The following WNK1 variants were observed in gnomAD, a reference collection of about 807,000 sequenced individuals.
WNK1 encodes WNK lysine deficient protein kinase 1.
In WNK1, 38 loss-of-function variants were observed where a neutral mutation model predicts 222.8. The ratio of observed to expected loss-of-function variants is 0.17; its 90% CI spans 0.13 to 0.22. WNK1 has a LOEUF of 0.22. WNK1 is among the 10% of genes least tolerant of loss of function. The pLI, the probability that WNK1 is intolerant of heterozygous loss-of-function variation, is 1.00. For missense variants in WNK1, 2,348 were observed against 2,918.4 expected (o/e 0.80, Z 4.50); for synonymous variants, 1,090 against 1,092.9 (o/e 1.00, Z 0.05).
At chr12:900,200 G>A (rs1442943151) in intron 25 of WNK1, among the ~76,000 whole-genome samples, 1 of 151,902 alleles carries the variant, frequency 6.6e-6, no homozygotes, top group Non-Finnish European at 1.5e-5. Flanking sequence ...TGGCCAGGCT[G>A]GTCTCGAACT....
At chr12:899,300 T>TTTTTTG (rs1555159999) in intron 25 of WNK1, among the ~76,000 whole-genome samples, 1 of 151,394 alleles carries the variant, frequency 6.6e-6, no homozygotes, top group African/African-American at 2.4e-5. Context: ...CAATCAGATC[T>TTTTTTG]TTTTTGTTTT....
chr12:875,715 T>A (rs953037235), intron 9 of WNK1, among the ~76,000 whole-genome samples: 5 of 152,224 alleles, frequency 3.3e-5, no homozygotes, highest in South Asian at 2.1e-4. Context: ...TTAGATGGAA[T>A]GTGTTATGTT....
In WNK1 at chr12:867,660, A is replaced by G. The variant is rs2154071163; in HGVS notation, c.2140-3605A>G. 3 of 587,768 alleles carry G rather than the reference A, an allele frequency of 5.1e-6. No homozygotes were observed. In the East Asian group the frequency reaches 8.8e-5, roughly 17 times the overall value. 36.4% of individuals were successfully genotyped at this position (587,768 alleles called of 1,614,324 possible). A position where few individuals can be genotyped will look rare whatever the true frequency, so the allele number is the denominator to read the frequency against. ...AAAGCAGCTCTTATCTAAAGCAAAGAGCCCACAGATTGATTTCATTGGCCC... is the reference window on the plus strand; with the variant it reads ...AAAGCAGCTCTTATCTAAAGCAAAGGGCCCACAGATTGATTTCATTGGCCC... On this transcript the variant is annotated intron_variant, in intron 8 of 27. Coordinates refer to ENST00000315939, the MANE Select transcript of WNK1 (RefSeq NM_018979.4).
chr12:752,817 G>C lies in WNK1; in HGVS notation c.-749G>C, dbSNP rs905315687. ...CTCCCCGCCGTTCCCTCCTCCGTCAGCCCCCGGCACCGGCCCGGGAGGAGA... is the reference window on the plus strand; with the variant it reads ...CTCCCCGCCGTTCCCTCCTCCGTCACCCCCCGGCACCGGCCCGGGAGGAGA... On this transcript the variant is annotated 5_prime_UTR_variant, in exon 1 of 28. Coordinates refer to ENST00000315939, the MANE Select transcript of WNK1 (RefSeq NM_018979.4). The C allele has an allele frequency of 2.0e-5, 3 of 152,174 alleles. No homozygotes were observed. The highest frequency in any genetic ancestry group is 4.8e-5 in the African/African-American group (2 of 41,412). The allele number at this position is 152,174 out of a possible 1,614,324, so 9.4% of individuals were successfully genotyped here.
chr12:832,467 T>G (rs1292443266), intron 4 of WNK1, among the ~76,000 whole-genome samples: 1 of 152,240 alleles, frequency 6.6e-6, no homozygotes, highest in African/African-American at 2.4e-5. Flanking sequence ...CAAAGATTAA[T>G]TATAATTATT....
chr12:833,248 A>G (rs1316774711), intron 4 of WNK1, among the ~76,000 whole-genome samples: 1 of 152,200 alleles, frequency 6.6e-6, no homozygotes. Context: ...CACACCTTGC[A>G]TTATATTCCA....
Position 884,931 on chromosome 12 carries a change from C to T in WNK1, c.4127C>T (p.Thr1376Ile). 1.2e-6 allele frequency: 2 copies of T among 1,614,180 alleles called. No individual in the cohort carries two copies. Among genetic ancestry groups the T allele is most frequent in the African/African-American group, 1.3e-5 (1 of 75,050 alleles). ...ACATCAGTAATTCAGTCTGAGGTTA[C>T]AGTGCCCACTGAAGAGGGGATTGCT... is the stretch of plus-strand genomic sequence containing the variant. ...ISTSVIQSEVTVPTEEGIAGV... is the reference protein window; with the variant it reads ...ISTSVIQSEVIVPTEEGIAGV... Residue 1376 changes from threonine to isoleucine, a missense_variant, in exon 19 of 28, where the codon ACA (threonine) becomes ATA (isoleucine). Physicochemically the swap from Thr to Ile is moderately conservative, Grantham distance 89. Coordinates refer to ENST00000315939, the MANE Select transcript of WNK1 (RefSeq NM_018979.4). The surrounding 1 kb of genome is among the most constrained non-coding windows in gnomAD (Gnocchi z 5.6).
At chr12:860,891 C>A in intron 6 of WNK1, 122 bp from the exon 7 acceptor site, 1 of 919,588 alleles carries the variant, frequency 1.1e-6, no homozygotes, top group Admixed American at 2.2e-5. Flanking sequence ...TGAGAGAATT[C>A]TTTCTTCCTC....
intron 1 of WNK1, among the ~76,000 whole-genome samples, chr12:802,334 A>C (rs573913952): frequency 6.6e-6 from 1 of 152,328 alleles, no homozygotes; most frequent in East Asian, 1.9e-4. Flanking sequence ...TAATGACAGA[A>C]ACTTGAGAAA....
intron 1 of WNK1, among the ~76,000 whole-genome samples, chr12:791,902 C>T (rs890550093): frequency 6.6e-6 from 1 of 152,124 alleles, no homozygotes; most frequent in African/African-American, 2.4e-5. Context: ...GTCACTGCCT[C>T]CACTTCCCAG....
At chr12:758,714 A>G (rs1181455905) in intron 1 of WNK1, among the ~76,000 whole-genome samples, 1 of 146,826 alleles carries the variant, frequency 6.8e-6, no homozygotes, top group Admixed American at 6.8e-5. Flanking sequence ...ATTTTTTAGG[A>G]TGAGAATCAG....
At chr12:859,633 T>TGTGTGTGTGTGTGTGG (rs372754842) in intron 6 of WNK1, among the ~76,000 whole-genome samples, 169 bp downstream of exon 6, 26 of 62,666 alleles carry the variant, frequency 4.1e-4, no homozygotes, top group East Asian at 1.1e-3. Context: ...TGTGTGTGTG[T>TGTGTGTGTGTGTGTGG]TTTTTTTTTT....
At chr12:889,304 A>G (rs946301523) in intron 21 of WNK1, 81 bp downstream of exon 21, 2 of 1,175,224 alleles carry the variant, frequency 1.7e-6, no homozygotes, top group African/African-American at 1.5e-5. Flanking sequence ...AACCTAAACC[A>G]TTATTAATAC....
At chr12:903,814 G>A (rs549669752) in intron 26 of WNK1, among the ~76,000 whole-genome samples, 2 of 152,304 alleles carry the variant, frequency 1.3e-5, no homozygotes, top group East Asian at 3.9e-4. Flanking sequence ...AGCTTGAGAT[G>A]TATTATTCTA....
rs565710838 is a variant in WNK1 at position 897,886 on chromosome 12, G to T, written c.6448+205G>T. ...AGAAGTAGACTTAGTGAATACAATG[G>T]CTTATTCCATTGTAATCCATATTGC... On this transcript the variant is annotated intron_variant, in intron 25 of 27. Transcript: ENST00000315939. Among the ~76,000 whole-genome samples, 9 of 152,276 alleles carry T rather than the reference G, an allele frequency of 5.9e-5. No individual in the cohort carries two copies. The East Asian group carries it at 1.5e-3, about 26-fold the overall frequency.
Position 762,468 on chromosome 12 carries a change from TG to T in WNK1, c.759+8145del, listed in dbSNP as rs369613301. On this transcript the variant is annotated intron_variant, in intron 1 of 27. Transcript: ENST00000315939. ...CATGTTGTTTTTTATTATTGTGTTT[TG>T]TTATTGTTTTTTCCCCCAATATTTT... is the stretch of plus-strand genomic sequence containing the variant. Among the ~76,000 whole-genome samples the T allele has an allele frequency of 7.6e-4, 113 of 148,060 alleles. 12 individuals carry two copies. Among genetic ancestry groups the T allele is most frequent in the Non-Finnish European group, 1.5e-3 (99 of 66,212 alleles).
chr12:806,493 A>G (rs1304826969), intron 1 of WNK1, among the ~76,000 whole-genome samples: 1 of 152,186 alleles, frequency 6.6e-6, no homozygotes, highest in East Asian at 1.9e-4. Context: ...AAGTTGGTTA[A>G]TTATGCATTT....
At position 830,061 on chromosome 12, in the gene WNK1, C is replaced by T. The variant is rs536729307; in HGVS notation, c.1212C>T (p.Asp404=). Residue 404 remains aspartate, a synonymous_variant, in exon 4 of 28, where the codon GAC becomes GAT. Coordinates refer to ENST00000315939, the MANE Select transcript of WNK1 (RefSeq NM_018979.4). ...MYEEKYDESV[D]VYAFGMCMLE... is the part of the protein sequence containing the mutation. ...AGGAGAAATATGATGAATCCGTTGA[C>T]GTTTATGCTTTTGGGATGTGCATGC... 31 of 1,614,068 alleles carry T rather than the reference C, an allele frequency of 1.9e-5. No individual in the cohort carries two copies. Among genetic ancestry groups the T allele is most frequent in the African/African-American group, 1.7e-4 (13 of 75,008 alleles).
chr12:878,537 T>C (rs1332643465), intron 10 of WNK1, among the ~76,000 whole-genome samples, 176 bp downstream of exon 10: 1 of 152,100 alleles, frequency 6.6e-6, no homozygotes, highest in African/African-American at 2.4e-5. Flanking sequence ...GATCACCTCA[T>C]TGGTGCATAT....
Sources: gnomAD v4.1 joint callset for allele counts (sites outside exome capture counted in the v4.1 genomes callset) on GRCh38, gnomAD v4.1.1 for gene constraint, Gnocchi (gnomAD v3.1) non-coding constraint, MANE v1.5 for transcripts, NCBI Gene and HGNC (gene_info 2026-07-23, HGNC 2026-07-21) for gene names.